The following CLK3 variants were observed in gnomAD, a reference collection of about 807,000 sequenced individuals.
CLK3 encodes the protein dual specificity protein kinase CLK3.
Under a neutral mutation model 65.2 loss-of-function variants are expected in CLK3, and 24 were observed. The ratio of observed to expected loss-of-function variants is 0.37; its 90% CI spans 0.27 to 0.52. The LOEUF is 0.52. Among genes scored for constraint, CLK3 ranks in the 20% least tolerant of loss-of-function variants. The probability of loss-of-function intolerance (pLI) is 0.92; values close to 1 mark genes in which losing one functional copy is unlikely to be tolerated. For missense variants in CLK3, 506 were observed against 660.0 expected (o/e 0.77, Z 2.56); for synonymous variants, 252 against 240.8 (o/e 1.05, Z -0.43).
chr15:74,621,707 G>A lies in CLK3; in HGVS notation c.370-413G>A. ...CGTTCTCACTGCATCTTCCGCTCTG[G>A]CCCAAAGCCACATGGGAGGGTCTGG... is the stretch of plus-strand genomic sequence containing the variant. On this transcript the variant is annotated intron_variant, in intron 3 of 12. Coordinates refer to ENST00000395066, the MANE Select transcript of CLK3 (RefSeq NM_001130028.2). This position sits in a 1 kb window ranked among gnomAD's most constrained non-coding sequence, Gnocchi z 4.8. 2.9e-6 allele frequency: 1 copy of A among 343,090 alleles called. No homozygotes were observed. The allele number at this position is 343,090 out of a possible 1,614,324, so 21.3% of individuals were successfully genotyped here. A position where few individuals can be genotyped will look rare whatever the true frequency, so the allele number is the denominator to read the frequency against.
chr15:74,613,717 G>C (rs968232496), upstream of CLK3, among the ~76,000 whole-genome samples: 8 of 152,178 alleles, frequency 5.3e-5, no homozygotes, highest in African/African-American at 1.9e-4. Flanking sequence ...CCATCCCGGG[G>C]ACAGAAGCTT....
At chr15:74,615,420 A>G, upstream of CLK3, 2 of 1,264,344 alleles carry the variant, frequency 1.6e-6, no homozygotes, top group Non-Finnish European at 2.0e-6. Flanking sequence ...CACAGACCTC[A>G]GGCCGCTCTC....
intron 2 of CLK3, 122 bp from the exon 3 acceptor site, chr15:74,619,887 A>T (rs1440909038): frequency 2.7e-6 from 4 of 1,490,360 alleles, no homozygotes; most frequent in Non-Finnish European, 3.6e-6. Context: ...ACTTCCCACC[A>T]GTGTGGATGC....
At chr15:74,609,914 T>C (rs560952630) in intron 1 of CLK3, among the ~76,000 whole-genome samples, 1 of 152,382 alleles carries the variant, frequency 6.6e-6, no homozygotes, top group East Asian at 1.9e-4. Flanking sequence ...TCCTCTGCTC[T>C]CTGGTCTCAG....
rs540724440 is a variant in CLK3, at chr15:74,619,906, C to A, written c.153-103C>A. 7.1e-4 allele frequency: 1,100 copies of A among 1,550,960 alleles called. 15 individuals are homozygous for A. The South Asian group carries it at 0.013, about 18-fold the overall frequency. On this transcript the variant is annotated intron_variant, in intron 2 of 12. Transcript: ENST00000395066. ...CCCACCAGTGTGGATGCTTTTAGCACAGGCTGTCCCCCTTTAGCCCTTTAC... is the reference window on the plus strand; with the variant it reads ...CCCACCAGTGTGGATGCTTTTAGCAAAGGCTGTCCCCCTTTAGCCCTTTAC...
At chr15:74,611,775 C>T (rs544045097), upstream of CLK3, among the ~76,000 whole-genome samples, 74 of 152,366 alleles carry the variant, frequency 4.9e-4, 1 homozygote, top group African/African-American at 1.7e-3. Context: ...GCATCAAGTC[C>T]ATGGGCTCTG....
rs530021204 is a variant in CLK3, at chr15:74,627,123, A to G, written c.818-229A>G. 2.0e-4 allele frequency: 128 copies of G among 633,272 alleles called. No individual in the cohort carries two copies. The highest frequency in any genetic ancestry group is 1.6e-4 in the Non-Finnish European group (53 of 340,930). 39.2% of individuals were successfully genotyped at this position (633,272 alleles called of 1,614,324 possible). A position where few individuals can be genotyped will look rare whatever the true frequency, so the allele number is the denominator to read the frequency against. Reference sequence around the variant, plus strand: ...TGGAGGGAGGTTTTTCGAATGGCAAATTTCTTTCCTACCCCCCTGCTAAAG... The same window carrying G: ...TGGAGGGAGGTTTTTCGAATGGCAAGTTTCTTTCCTACCCCCCTGCTAAAG... On this transcript the variant is annotated intron_variant, in intron 7 of 12. Transcript: ENST00000395066. This position sits in a 1 kb window ranked among gnomAD's most constrained non-coding sequence, Gnocchi z 4.3.
At chr15:74,619,061 TC>T in intron 1 of CLK3, 135 bp from the exon 2 acceptor site, 1 of 1,004,838 alleles carries the variant, frequency 1.0e-6, no homozygotes, top group South Asian at 1.6e-5. Flanking sequence ...CTTCTTCACT[TC>T]ATAAACCTCT....
In CLK3 at chr15:74,627,517, G is replaced by C. The variant is rs368991783; in HGVS notation, c.913-22G>C. On this transcript the variant is annotated intron_variant, in intron 8 of 12. Transcript: ENST00000395066. The surrounding 1 kb of genome is among the most constrained non-coding windows in gnomAD (Gnocchi z 4.3). ...CCCGCTGGTGCAGACTCCTGACCTG[G>C]CAGGCCTGCCTTGCCTTTCAGAGCT... The C allele has an allele frequency of 2.1e-4, 332 of 1,614,120 alleles. No homozygotes were observed. Among genetic ancestry groups the C allele is most frequent in the Admixed American group, 2.7e-4 (16 of 60,012 alleles).
chr15:74,615,017 G>A (rs1173501297), upstream of CLK3: 1 of 174,044 alleles, frequency 5.7e-6, no homozygotes, highest in Non-Finnish European at 1.2e-5. Flanking sequence ...GGAAAGTGGG[G>A]CCTCGTAATC....
chr15:74,620,089 C>T lies in CLK3; in HGVS notation c.233C>T (p.Ser78Phe). The T allele has an allele frequency of 6.2e-7, 1 of 1,614,200 alleles. No homozygotes were observed. Among genetic ancestry groups the T allele is most frequent in the Non-Finnish European group, 8.5e-7 (1 of 1,180,042 alleles). Residue 78 changes from serine to phenylalanine, a missense_variant, in exon 3 of 13, where the codon TCC becomes TTC. Coordinates refer to ENST00000395066, the MANE Select transcript of CLK3 (RefSeq NM_001130028.2). ...DTYRCEERSP[S>F]FGEDYYGPSR... is the part of the protein sequence containing the mutation. ...TACCGGTGTGAAGAGCGGAGCCCAT[C>T]CTTTGGAGAGGACTACTATGGACCT...
chr15:74,625,613 A>G (rs1237393348), intron 6 of CLK3, among the ~76,000 whole-genome samples, 189 bp from the exon 7 acceptor site: 1 of 152,126 alleles, frequency 6.6e-6, no homozygotes, highest in East Asian at 1.9e-4. Flanking sequence ...CCCAGAGCTC[A>G]TCTGGGTATT....
chr15:74,622,697 C>T lies in CLK3; in HGVS notation c.533+137C>T, dbSNP rs1342441662. 1 of 594,702 alleles carries T rather than the reference C, an allele frequency of 1.7e-6. No homozygotes were observed. The highest frequency in any genetic ancestry group is 1.9e-5 in the African/African-American group (1 of 53,702). The allele number at this position is 594,702 out of a possible 1,614,324, so 36.8% of individuals were successfully genotyped here. A position where few individuals can be genotyped will look rare whatever the true frequency, so the allele number is the denominator to read the frequency against. ...GGGTGGCATCAAAGTAGGGTTCCGA[C>T]CTGTCCATGTTGGGGTTTTGCTGAC... On this transcript the variant is annotated intron_variant, in intron 5 of 12. Transcript: ENST00000395066. This position sits in a 1 kb window ranked among gnomAD's most constrained non-coding sequence, Gnocchi z 4.6.
chr15:74,626,986 A>C, intron 7 of CLK3: 1 of 466,650 alleles, frequency 2.1e-6, no homozygotes. Flanking sequence ...TCATTTTGCA[A>C]AGGGCCCTGC....
rs757165874 is a variant in CLK3 at position 74,629,107 on chromosome 15, AC to A, written c.1296+76del. The A allele has an allele frequency of 9.6e-6, 11 of 1,145,720 alleles. No individual in the cohort carries two copies. In the African/African-American group the frequency reaches 1.7e-4, roughly 17 times the overall value. 71.0% of individuals were successfully genotyped at this position (1,145,720 alleles called of 1,614,324 possible). A position where few individuals can be genotyped will look rare whatever the true frequency, so the allele number is the denominator to read the frequency against. On this transcript the variant is annotated intron_variant, in intron 12 of 12. Coordinates refer to ENST00000395066, the MANE Select transcript of CLK3 (RefSeq NM_001130028.2). ...GGCACTGGGCAGACATACAGCAGAG[AC>A]AGGCCAGGCCGCTAAAGGCTGCCTC... is the stretch of plus-strand genomic sequence containing the variant.
At chr15:74,612,166 C>T (rs191043708), upstream of CLK3, among the ~76,000 whole-genome samples, 271 of 152,362 alleles carry the variant, frequency 1.8e-3, no homozygotes, top group African/African-American at 6.3e-3. Flanking sequence ...CTGCAATCCC[C>T]ACCCAACACT....
At position 74,628,400 on chromosome 15, in the gene CLK3, TAGTCACAGCCC is replaced by T. The variant is rs377085805; in HGVS notation, c.1126-199_1126-189del. Among the ~76,000 whole-genome samples the T allele has an allele frequency of 2.3e-4, 35 of 152,130 alleles. 1 individual carries two copies. The East Asian group carries it at 6.8e-3, about 29-fold the overall frequency. On this transcript the variant is annotated intron_variant, in intron 10 of 12. Transcript: ENST00000395066. ...GTGAAGAGCTAACCAGAGAGAAATGTAGTCACAGCCCAGTCCACCTCCACCCACAAGGGCTG... is the reference window on the plus strand; with the variant it reads ...GTGAAGAGCTAACCAGAGAGAAATGTAGTCCACCTCCACCCACAAGGGCTG...
At chr15:74,610,521 C>T (rs1358695943) in intron 1 of CLK3, among the ~76,000 whole-genome samples, 2 of 152,252 alleles carry the variant, frequency 1.3e-5, no homozygotes, top group East Asian at 1.9e-4. Flanking sequence ...ATAACGCAGG[C>T]GGACTGGCAG....
chr15:74,613,202 G>A (rs1057291892), upstream of CLK3: 6 of 152,440 alleles, frequency 3.9e-5, no homozygotes, highest in Non-Finnish European at 8.8e-5. Context: ...AGTGGAGGTG[G>A]GGGGCAAAAG....
Sources: allele counts gnomAD v4.1 joint callset (sites outside exome capture counted in the v4.1 genomes callset), GRCh38; gene constraint gnomAD v4.1.1; non-coding constraint Gnocchi (gnomAD v3.1); transcripts MANE v1.5; gene names NCBI Gene and HGNC (gene_info 2026-07-23, HGNC 2026-07-21).